The following FMO5 variants were observed in gnomAD, a reference collection of about 807,000 sequenced individuals.
FMO5 encodes flavin containing dimethylaniline monoxygenase 5.
Under a neutral mutation model 43.6 loss-of-function variants are expected in FMO5, and 51 were observed. That is an observed-to-expected ratio of 1.17 (90% confidence interval 0.93 to 1.48). FMO5 has a LOEUF of 1.48. FMO5 is among the 40% of genes most tolerant of loss of function. The probability of loss-of-function intolerance (pLI) is 0.00; values close to 1 mark genes in which losing one functional copy is unlikely to be tolerated. For missense variants in FMO5, 644 were observed against 643.0 expected (o/e 1.00, Z -0.02); for synonymous variants, 187 against 216.5 (o/e 0.86, Z 1.20).
chr1:147,199,294 C>G (rs1228186856), intron 7 of FMO5, among the ~76,000 whole-genome samples: 1 of 152,044 alleles, frequency 6.6e-6, no homozygotes, highest in Non-Finnish European at 1.5e-5. Context: ...AGGGATAATT[C>G]AGGGAAGAGA....
At chr1:147,221,296 G>A (rs748961486) in intron 2 of FMO5, among the ~76,000 whole-genome samples, 1 of 152,252 alleles carries the variant, frequency 6.6e-6, no homozygotes, top group Non-Finnish European at 1.5e-5. Context: ...TAATAATAAT[G>A]TATCAATATT....
At chr1:147,194,991 G>T (rs1657697157) in intron 7 of FMO5, among the ~76,000 whole-genome samples, 1 of 151,594 alleles carries the variant, frequency 6.6e-6, no homozygotes, top group Non-Finnish European at 1.5e-5. Flanking sequence ...GTGTCTTGGA[G>T]TTGCTCTTCT....
intron 7 of FMO5, among the ~76,000 whole-genome samples, chr1:147,197,158 T>C (rs782499660): frequency 2.6e-5 from 4 of 152,210 alleles, no homozygotes; most frequent in Non-Finnish European, 4.4e-5. Flanking sequence ...TCTGAACTAC[T>C]TGCAGTTCCC....
At chr1:147,187,321 G>T in intron 8 of FMO5, 76 bp from the exon 9 acceptor site, 2 of 1,047,712 alleles carry the variant, frequency 1.9e-6, no homozygotes, top group Non-Finnish European at 2.8e-6. Context: ...CCTTCTGAGT[G>T]CCTGCTATTG....
chr1:147,192,527 G>C (rs1309359941), intron 7 of FMO5, among the ~76,000 whole-genome samples: 1 of 151,714 alleles, frequency 6.6e-6, no homozygotes, highest in Non-Finnish European at 1.5e-5. Context: ...TAATTGCCCT[G>C]GCCAGAATAT....
chr1:147,188,707 C>T (rs587698289), intron 8 of FMO5, among the ~76,000 whole-genome samples: 1 of 149,686 alleles, frequency 6.7e-6, no homozygotes, highest in Non-Finnish European at 1.5e-5. Context: ...TACACATGTA[C>T]CCTAGAACTT....
intron 7 of FMO5, among the ~76,000 whole-genome samples, chr1:147,198,872 A>AAAAGAAAGAAAG (rs1553920320): frequency 2.3e-4 from 33 of 144,670 alleles, no homozygotes; most frequent in South Asian, 4.6e-4. Context: ...AAAAAAAAAA[A>AAAAGAAAGAAAG]AAAGAAAGAA....
At position 147,223,387 on chromosome 1, in the gene FMO5, T is replaced by TC. The variant is rs587651111; in HGVS notation, c.135+1507dup. On this transcript the variant is annotated intron_variant, in intron 2 of 8. Transcript: ENST00000254090. ...AGTCAGGGTGCAAAAGGATTGTATT[T>TC]CGGTTCAACTAAGAAATGCTATAAA... Among the ~76,000 whole-genome samples, 43 of 152,360 alleles carry TC rather than the reference T, an allele frequency of 2.8e-4. No homozygotes were observed. The East Asian group carries it at 8.1e-3, about 29-fold the overall frequency.
Position 147,225,306 on chromosome 1 carries a change from A to C in FMO5, c.-57T>G. ...TCTCACCGCCTTTCCTGAAGCGCTC[A>C]ACAGATCCTTCAGCTGCGATCTGGA... On this transcript the variant is annotated 5_prime_UTR_variant, in exon 1 of 9. Coordinates refer to ENST00000254090, the MANE Select transcript of FMO5 (RefSeq NM_001461.4). 1.7e-6 allele frequency: 1 copy of C among 593,816 alleles called. No individual in the cohort carries two copies. Among genetic ancestry groups the C allele is most frequent in the South Asian group, 2.5e-5 (1 of 40,744 alleles). 36.8% of individuals were successfully genotyped at this position (593,816 alleles called of 1,614,324 possible). A position where few individuals can be genotyped will look rare whatever the true frequency, so the allele number is the denominator to read the frequency against.
rs1227387241 is a variant in FMO5, at chr1:147,217,261, GA to G, written c.136-1320del. 1.4e-4 allele frequency among the ~76,000 whole-genome samples: 21 copies of G among 150,588 alleles called. No homozygotes were observed. In the East Asian group the frequency reaches 3.1e-3, roughly 22 times the overall value. ...TCTACAAAAAAAAGAAAAAGAAAAA[GA>G]AAAAAAAACTTCCTATTAACTATCT... On this transcript the variant is annotated intron_variant, in intron 2 of 8. Coordinates refer to ENST00000254090, the MANE Select transcript of FMO5 (RefSeq NM_001461.4).
chr1:147,186,400 A>G lies in FMO5; in HGVS notation c.*500T>C, dbSNP rs765198160. The G allele has an allele frequency of 3.3e-5, 30 of 895,850 alleles. No homozygotes were observed. The highest frequency in any genetic ancestry group is 4.0e-5 in the Non-Finnish European group (30 of 748,368). 55.5% of individuals were successfully genotyped at this position (895,850 alleles called of 1,614,324 possible). ...CATCTATATGTCTTATCTTAGATACATACAACTATTGTAGGAACATTATTT... is the reference window on the plus strand; with the variant it reads ...CATCTATATGTCTTATCTTAGATACGTACAACTATTGTAGGAACATTATTT... On this transcript the variant is annotated 3_prime_UTR_variant, in exon 9 of 9. Coordinates refer to ENST00000254090, the MANE Select transcript of FMO5 (RefSeq NM_001461.4).
intron 2 of FMO5, among the ~76,000 whole-genome samples, chr1:147,218,886 T>C (rs1662485553): frequency 6.6e-6 from 1 of 152,216 alleles, no homozygotes; most frequent in Admixed American, 6.5e-5. Context: ...CTTTTCTAAT[T>C]TCTCCAGAGA....
Position 147,194,574 on chromosome 1 carries a change from T to C in FMO5, c.1184-4325A>G, listed in dbSNP as rs587731849. Among the ~76,000 whole-genome samples, 43 of 152,234 alleles carry C rather than the reference T, an allele frequency of 2.8e-4. No homozygotes were observed. In the Middle Eastern group the frequency reaches 0.017, roughly 60 times the overall value. ...TATGATGTTAGCTGGTTATTTTGCT[T>C]GTTAGTTGATGCAGTTTCTTCCTAG... On this transcript the variant is annotated intron_variant, in intron 7 of 8. Transcript: ENST00000254090.
At chr1:147,219,593 C>G (rs1662635217) in intron 2 of FMO5, among the ~76,000 whole-genome samples, 1 of 152,058 alleles carries the variant, frequency 6.6e-6, no homozygotes, top group Non-Finnish European at 1.5e-5. Context: ...TGTCCTCTCT[C>G]ACCACTCCTA....
intron 6 of FMO5, chr1:147,204,543 TTCTATGACC>T: frequency 6.3e-7 from 1 of 1,580,810 alleles, no homozygotes; most frequent in Non-Finnish European, 8.7e-7. Flanking sequence ...TTTCATAACC[TTCTATGACC>T]TCTGAAACTG....
upstream of FMO5, among the ~76,000 whole-genome samples, chr1:147,226,107 C>CTTTTTT (rs3028896): frequency 1.8e-4 from 27 of 147,878 alleles, no homozygotes; most frequent in Non-Finnish European, 2.2e-4. Context: ...ATTTATCTTA[C>CTTTTTT]TTTTTTTTTT....
chr1:147,224,554 G>A (rs1373404685), intron 2 of FMO5, among the ~76,000 whole-genome samples: 2 of 151,860 alleles, frequency 1.3e-5, no homozygotes, highest in African/African-American at 4.8e-5. Flanking sequence ...CTGTCACCCA[G>A]GCTGGAGTGC....
Position 147,186,651 on chromosome 1 carries a change from G to C in FMO5, c.*249C>G. ...TAAAGACATACAAAGATGACTAAAA[G>C]AGTACCTGAGCTCCCAGTCTAGGGA... On this transcript the variant is annotated 3_prime_UTR_variant, in exon 9 of 9. Transcript: ENST00000254090. 7.8e-7 allele frequency: 1 copy of C among 1,288,356 alleles called. No homozygotes were observed. The highest frequency in any genetic ancestry group is 1.5e-5 in the African/African-American group (1 of 66,580). The allele number at this position is 1,288,356 out of a possible 1,614,324, so 79.8% of individuals were successfully genotyped here. A position where few individuals can be genotyped will look rare whatever the true frequency, so the allele number is the denominator to read the frequency against.
chr1:147,226,712 A>G (rs587739351), upstream of FMO5, among the ~76,000 whole-genome samples: 21 of 152,200 alleles, frequency 1.4e-4, no homozygotes, highest in Admixed American at 6.5e-4. Flanking sequence ...TCCAATCTGC[A>G]CCTGCTAATC....
Sources: allele counts gnomAD v4.1 joint callset (sites outside exome capture counted in the v4.1 genomes callset), GRCh38; gene constraint gnomAD v4.1.1; transcripts MANE v1.5; gene names NCBI Gene and HGNC (gene_info 2026-07-23, HGNC 2026-07-21).